NRXN1: variants seen among roughly 807,000 people sequenced by gnomAD.
The protein encoded by NRXN1 is neurexin-1.
Under a neutral mutation model 150.9 loss-of-function variants are expected in NRXN1, and 39 were observed. That is an observed-to-expected ratio of 0.26 (90% CI 0.20 to 0.34). The LOEUF is 0.34. NRXN1 is among the 10% of genes least tolerant of loss of function. The probability of loss-of-function intolerance (pLI) is 1.00; values close to 1 mark genes in which losing one functional copy is unlikely to be tolerated. For missense variants in NRXN1, 1,815 were observed against 1,949.9 expected, an observed-to-expected ratio of 0.93 and a Z score of 1.30; for synonymous variants, 924 against 757.0, an observed-to-expected ratio of 1.22 and a Z score of -3.62.
intron 17 of NRXN1, among the ~76,000 whole-genome samples, chr2:50,304,650 T>C (rs1023764982): frequency 6.6e-6 from 1 of 151,366 alleles, no homozygotes; most frequent in African/African-American, 2.4e-5. Flanking sequence ...ATCTTATTAA[T>C]TAAAGTCTAT....
intron 5 of NRXN1, among the ~76,000 whole-genome samples, chr2:50,625,603 A>T (rs1559039221): frequency 6.6e-6 from 1 of 152,108 alleles, no homozygotes; most frequent in Non-Finnish European, 1.5e-5. Context: ...GGTCAGTCCA[A>T]CATGGCAAGT....
intron 21 of NRXN1, among the ~76,000 whole-genome samples, chr2:49,993,180 C>A (rs995515389): frequency 6.6e-6 from 1 of 151,904 alleles, no homozygotes; most frequent in African/African-American, 2.4e-5. Context: ...GGTAAGTAAA[C>A]GGGTAAATAA....
intron 3 of NRXN1, among the ~76,000 whole-genome samples, chr2:50,924,470 T>C (rs1686562171): frequency 6.6e-6 from 1 of 151,646 alleles, no homozygotes; most frequent in Non-Finnish European, 1.5e-5. Context: ...AATAGGATTT[T>C]AAGAGAAAAG....
At chr2:49,935,364 G>A (rs1572922968) in intron 22 of NRXN1, among the ~76,000 whole-genome samples, 2 of 152,220 alleles carry the variant, frequency 1.3e-5, no homozygotes, top group East Asian at 3.9e-4. Context: ...GACAACGTCA[G>A]TATTTTTCTT....
At chr2:50,928,526 T>C (rs1386551502) in intron 2 of NRXN1, among the ~76,000 whole-genome samples, 2 of 152,058 alleles carry the variant, frequency 1.3e-5, no homozygotes, top group Admixed American at 1.3e-4. Flanking sequence ...GGTATTTTTT[T>C]CCCTTCTCTT....
intron 5 of NRXN1, among the ~76,000 whole-genome samples, chr2:50,855,755 A>G (rs1427543722): frequency 6.6e-6 from 1 of 152,084 alleles, no homozygotes; most frequent in African/African-American, 2.4e-5. Context: ...ACAAACATTC[A>G]TTGAATATCT....
chr2:50,567,325 C>G (rs1670024751), intron 8 of NRXN1, among the ~76,000 whole-genome samples: 1 of 152,008 alleles, frequency 6.6e-6, no homozygotes, highest in Admixed American at 6.6e-5. Context: ...CTCCTGTAGT[C>G]AATAAGAGAA....
intron 18 of NRXN1, among the ~76,000 whole-genome samples, chr2:50,109,500 T>C (rs983075029): frequency 1.3e-5 from 2 of 152,194 alleles, no homozygotes; most frequent in African/African-American, 4.8e-5. Flanking sequence ...ATACTCTTCC[T>C]GTCTTTTTTG....
intron 5 of NRXN1, among the ~76,000 whole-genome samples, chr2:50,717,396 G>C (rs987539340): frequency 6.6e-6 from 1 of 152,134 alleles, no homozygotes. Context: ...AGATTGCCAG[G>C]TTGGGTTTCT....
chr2:50,980,483 A>C (rs1696613446), intron 2 of NRXN1, among the ~76,000 whole-genome samples: 1 of 152,142 alleles, frequency 6.6e-6, no homozygotes, highest in Admixed American at 6.6e-5. Context: ...TATAATCTTT[A>C]GAACATTTTT....
chr2:50,161,337 G>A (rs2688890), intron 18 of NRXN1, among the ~76,000 whole-genome samples: 49,146 of 151,982 alleles, frequency 0.32, 8,432 homozygotes, highest in Non-Finnish European at 0.38. Flanking sequence ...GGCAAAATCT[G>A]GACTAGAATT....
At chr2:50,674,394 C>A (rs1418804732) in intron 5 of NRXN1, among the ~76,000 whole-genome samples, 1 of 152,098 alleles carries the variant, frequency 6.6e-6, no homozygotes, top group East Asian at 1.9e-4. Context: ...ATGACTCAGG[C>A]AGGCAGAAAC....
chr2:50,645,974 T>C (rs975045979), intron 5 of NRXN1, among the ~76,000 whole-genome samples: 6 of 151,946 alleles, frequency 3.9e-5, no homozygotes, highest in Non-Finnish European at 5.9e-5. Flanking sequence ...TGAGAACAGA[T>C]ACTCAACTGG....
intron 5 of NRXN1, among the ~76,000 whole-genome samples, chr2:50,906,983 C>G (rs1471812918): frequency 6.6e-6 from 1 of 151,922 alleles, no homozygotes; most frequent in Non-Finnish European, 1.5e-5. Flanking sequence ...CTCTCACACC[C>G]CTCTTTCTCC....
chr2:50,264,818 G>A (rs531229130), intron 17 of NRXN1, among the ~76,000 whole-genome samples: 3 of 152,076 alleles, frequency 2.0e-5, no homozygotes, highest in Non-Finnish European at 4.4e-5. Context: ...GAGACAAGAA[G>A]TGGGAACAAG....
intron 7 of NRXN1, 168 bp downstream of exon 7, chr2:50,621,049 AAATAAGAAG>A: frequency 1.8e-6 from 1 of 543,150 alleles, no homozygotes; most frequent in East Asian, 3.1e-5. Flanking sequence ...AACAGGTAAA[AAATAAGAAG>A]GTCAACAACA....
intron 8 of NRXN1, among the ~76,000 whole-genome samples, chr2:50,610,305 ATTT>A (rs1201740390): frequency 2.6e-5 from 4 of 151,640 alleles, no homozygotes; most frequent in African/African-American, 4.8e-5. Context: ...CCTTCATCTC[ATTT>A]TATCTTTCCT....
At chr2:50,402,312 A>G (rs1292075374) in intron 17 of NRXN1, among the ~76,000 whole-genome samples, 1 of 151,940 alleles carries the variant, frequency 6.6e-6, no homozygotes, top group African/African-American at 2.4e-5. Flanking sequence ...TAAATGGTAG[A>G]CTTATTTGCT....
At chr2:50,054,361 C>T (rs987350594) in intron 20 of NRXN1, among the ~76,000 whole-genome samples, 1 of 152,116 alleles carries the variant, frequency 6.6e-6, no homozygotes, top group African/African-American at 2.4e-5. Context: ...GTACCATTAT[C>T]ATCAAATTGA....
Sources: allele counts gnomAD v4.1 joint callset (sites outside exome capture counted in the v4.1 genomes callset), GRCh38; gene constraint gnomAD v4.1.1; transcripts MANE v1.5; gene names NCBI Gene and HGNC (gene_info 2026-07-23, HGNC 2026-07-21).